Variants in TRAPPC12 observed in about 807,000 individuals in gnomAD.
The protein encoded by TRAPPC12 is TPR repeat protein 15.
TRAPPC12 carries 61 observed loss-of-function variants against 69.2 expected under a neutral mutation model. That is an observed-to-expected ratio of 0.88 (90% CI 0.72 to 1.09). TRAPPC12 has a LOEUF of 1.09. Among genes scored for constraint, TRAPPC12 ranks in the 50% least tolerant of loss-of-function variants. The pLI, the probability that TRAPPC12 is intolerant of heterozygous loss-of-function variation, is 0.00. For missense variants in TRAPPC12, 1,101 were observed against 1,016.4 expected (o/e 1.08, Z -1.13); for synonymous variants, 469 against 438.9 (o/e 1.07, Z -0.86).
At chr2:3,423,805 G>T (rs981512838) in intron 4 of TRAPPC12, among the ~76,000 whole-genome samples, 1 of 152,130 alleles carries the variant, frequency 6.6e-6, no homozygotes, top group African/African-American at 2.4e-5. Context: ...CATTTCTAAG[G>T]TACCCTTTTA....
rs554536598 is a variant in TRAPPC12 at position 3,419,650 on chromosome 2, A to AG, written c.1165-2231_1165-2230insG. ...TCTGGTGTCCTCATTTCCAAAAAAA[A>AG]AAAAAAAAAATCTACAAGATAGAGT... On this transcript the variant is annotated intron_variant, in intron 3 of 11. Transcript: ENST00000324266. 3.3e-4 allele frequency among the ~76,000 whole-genome samples: 50 copies of AG among 152,054 alleles called. 1 individual carries two copies. Among genetic ancestry groups the AG allele is most frequent in the Admixed American group, 8.5e-4 (13 of 15,268 alleles).
chr2:3,388,112 C>A lies in TRAPPC12; in HGVS notation c.489C>A (p.Phe163Leu), dbSNP rs1217567430. ...VAEPVPVCTI[F>L]SQRAPPASGD... Reference sequence around the variant, plus strand: ...AGCCGGTCCCGGTGTGCACCATCTTCAGCCAGCGCGCGCCCCCAGCCTCCG... The same window carrying A: ...AGCCGGTCCCGGTGTGCACCATCTTAAGCCAGCGCGCGCCCCCAGCCTCCG... Residue 163 changes from phenylalanine (F) to leucine (L), a missense_variant, in exon 2 of 12, where the codon TTC becomes TTA. Phe to Leu is a conservative substitution (Grantham distance 22). Coordinates refer to ENST00000324266, the MANE Select transcript of TRAPPC12 (RefSeq NM_016030.6). 1.3e-6 allele frequency: 2 copies of A among 1,569,494 alleles called. No individual in the cohort carries two copies. Among genetic ancestry groups the A allele is most frequent in the Admixed American group, 1.8e-5 (1 of 54,636 alleles).
chr2:3,433,813 T>C (rs1237255125), intron 5 of TRAPPC12, among the ~76,000 whole-genome samples: 1 of 152,236 alleles, frequency 6.6e-6, no homozygotes, highest in Non-Finnish European at 1.5e-5. Context: ...GTCACAACTA[T>C]ACATGGGAAT....
intron 3 of TRAPPC12, among the ~76,000 whole-genome samples, chr2:3,406,234 G>A (rs988331181): frequency 3.3e-5 from 5 of 152,116 alleles, no homozygotes; most frequent in Admixed American, 2.0e-4. Flanking sequence ...CGGAGTAAGC[G>A]CAAAAACCCA....
intron 5 of TRAPPC12, among the ~76,000 whole-genome samples, chr2:3,424,866 A>C (rs1663007756): frequency 1.3e-5 from 2 of 152,240 alleles, no homozygotes; most frequent in Admixed American, 1.3e-4. Context: ...TCCCTGGTGC[A>C]TCTGTTTGTA....
At chr2:3,383,632 C>G (rs1660333318) in intron 1 of TRAPPC12, among the ~76,000 whole-genome samples, 1 of 151,280 alleles carries the variant, frequency 6.6e-6, no homozygotes, top group East Asian at 2.0e-4. Context: ...ATCTTGAACT[C>G]CTGACCTCGT....
At chr2:3,478,615 C>T (rs1451953491) in intron 10 of TRAPPC12, 6 of 453,728 alleles carry the variant, frequency 1.3e-5, no homozygotes, top group Admixed American at 3.6e-5. Context: ...GCCTGGGCAA[C>T]GAGAGCAAAA....
Position 3,388,377 on chromosome 2 carries a change from G to T in TRAPPC12, c.754G>T (p.Ala252Ser), listed in dbSNP as rs749851940. 5.6e-6 allele frequency: 9 copies of T among 1,600,260 alleles called. No individual in the cohort carries two copies. Among genetic ancestry groups the T allele is most frequent in the Admixed American group, 1.7e-5 (1 of 59,036 alleles). The change falls in exon 2 of 12, where the codon GCT becomes TCT. Residue 252 changes from alanine (A) to serine (S), a missense_variant. By Grantham distance (99) the Ala-to-Ser change is moderately conservative. Transcript: ENST00000324266. ...SPAPASPPPL[A>S]VPGTEGRPEP... ...GGCCCCCGCCAGCCCGCCTCCCCTC[G>T]CTGTGCCCGGGACCGAGGGGCGCCC...
At chr2:3,453,909 C>T (rs1349423701) in intron 6 of TRAPPC12, among the ~76,000 whole-genome samples, 1 of 152,210 alleles carries the variant, frequency 6.6e-6, no homozygotes, top group Non-Finnish European at 1.5e-5. Flanking sequence ...TCTAGATAGA[C>T]AGCAATAAAA....
intron 3 of TRAPPC12, among the ~76,000 whole-genome samples, chr2:3,402,817 A>G (rs889418578): frequency 1.3e-5 from 2 of 152,136 alleles, no homozygotes; most frequent in Non-Finnish European, 2.9e-5. Context: ...CTCACACCGA[A>G]TCTCAGCTCC....
chr2:3,383,896 T>G (rs1479271364), intron 1 of TRAPPC12, among the ~76,000 whole-genome samples: 1 of 63,402 alleles, frequency 1.6e-5, no homozygotes, highest in African/African-American at 9.3e-5. Context: ...TTTTTTTTTT[T>G]TTTTTTTTTT....
chr2:3,413,427 G>A (rs958477877), intron 3 of TRAPPC12, among the ~76,000 whole-genome samples: 1 of 152,180 alleles, frequency 6.6e-6, no homozygotes, highest in African/African-American at 2.4e-5. Flanking sequence ...GGCCAGTTCC[G>A]TAGCACCAGC....
chr2:3,424,122 A>G (rs907695578), intron 4 of TRAPPC12, among the ~76,000 whole-genome samples: 8 of 152,132 alleles, frequency 5.3e-5, no homozygotes, highest in Admixed American at 3.3e-4. Flanking sequence ...TTTTCATGAC[A>G]CCTAGCACAG....
intron 3 of TRAPPC12, among the ~76,000 whole-genome samples, chr2:3,419,316 C>G (rs1217114344): frequency 6.6e-6 from 1 of 152,232 alleles, no homozygotes; most frequent in Non-Finnish European, 1.5e-5. Flanking sequence ...CCCTCTCACT[C>G]TTTCACATTT....
chr2:3,462,937 G>C lies in TRAPPC12; in HGVS notation c.1677+2601G>C, dbSNP rs758620531. 2.3e-5 allele frequency: 11 copies of C among 471,018 alleles called. No individual in the cohort carries two copies. In the Middle Eastern group the frequency reaches 9.7e-4, roughly 41 times the overall value. 29.2% of individuals were successfully genotyped at this position (471,018 alleles called of 1,614,324 possible). A position where few individuals can be genotyped will look rare whatever the true frequency, so the allele number is the denominator to read the frequency against. On this transcript the variant is annotated intron_variant, in intron 8 of 11. Transcript: ENST00000324266. ...CACGCAGCTGCATCAGCTACCTTCCGTCTTGCTGAAATTAGACTGCAGAAG... is the reference window on the plus strand; with the variant it reads ...CACGCAGCTGCATCAGCTACCTTCCCTCTTGCTGAAATTAGACTGCAGAAG...
intron 9 of TRAPPC12, among the ~76,000 whole-genome samples, chr2:3,467,181 C>T (rs117196354): frequency 0.012 from 1,849 of 152,284 alleles, 55 homozygotes; most frequent in South Asian, 0.095. Context: ...ATGTGCTAAC[C>T]AGGCTGCAAG....
chr2:3,383,868 C>CTTG (rs1660351265), intron 1 of TRAPPC12, among the ~76,000 whole-genome samples: 1 of 84,720 alleles, frequency 1.2e-5, no homozygotes, highest in Non-Finnish European at 2.6e-5. Flanking sequence ...ATAGTTCAGT[C>CTTG]TTGTTTTTTT....
chr2:3,453,738 G>A lies in TRAPPC12; in HGVS notation c.1531-3883G>A, dbSNP rs545438716. ...AGGAACCAAGGAGGAAATTCCAGCC[G>A]CACCACATTTGCAAACGACACACTG... On this transcript the variant is annotated intron_variant, in intron 6 of 11. Coordinates refer to ENST00000324266, the MANE Select transcript of TRAPPC12 (RefSeq NM_016030.6). Among the ~76,000 whole-genome samples, 12 of 152,262 alleles carry A rather than the reference G, an allele frequency of 7.9e-5. No individual in the cohort carries two copies. In the East Asian group the frequency reaches 1.7e-3, roughly 22 times the overall value.
At chr2:3,455,674 G>A (rs1425676655) in intron 6 of TRAPPC12, 1 of 152,192 alleles carries the variant, frequency 6.6e-6, no homozygotes, top group Non-Finnish European at 1.5e-5. Flanking sequence ...TGTTGTAAAT[G>A]ACAGGATACC....
Sources: allele counts gnomAD v4.1 joint callset (sites outside exome capture counted in the v4.1 genomes callset), GRCh38; gene constraint gnomAD v4.1.1; transcripts MANE v1.5; gene names NCBI Gene and HGNC (gene_info 2026-07-23, HGNC 2026-07-21).